The following EPHA5 variants were observed in gnomAD, a reference collection of about 807,000 sequenced individuals.
The protein encoded by EPHA5 is EPH receptor A5, also known as ephrin type-A receptor 5.
Under a neutral mutation model 105.0 loss-of-function variants are expected in EPHA5, and 60 were observed. The ratio of observed to expected loss-of-function variants is 0.57; its 90% confidence interval spans 0.46 to 0.71. The LOEUF (loss-of-function observed/expected upper bound fraction) is 0.71. Among genes scored for constraint, EPHA5 ranks in the 30% least tolerant of loss-of-function variants. EPHA5 has a pLI of 0.00. For missense variants in EPHA5, 1,218 were observed against 1,274.7 expected, an observed-to-expected ratio of 0.96 and a Z score of 0.68; for synonymous variants, 513 against 449.1, an observed-to-expected ratio of 1.14 and a Z score of -1.80.
chr4:65,368,248 A>G (rs1316156108), intron 8 of EPHA5, among the ~76,000 whole-genome samples: 2 of 151,920 alleles, frequency 1.3e-5, no homozygotes, highest in Admixed American at 6.6e-5. Flanking sequence ...ATCTATTTCT[A>G]TCCGTTTAAT....
intron 11 of EPHA5, among the ~76,000 whole-genome samples, chr4:65,359,569 C>T (rs1199522528): frequency 6.6e-6 from 1 of 151,434 alleles, no homozygotes; most frequent in African/African-American, 2.4e-5. Context: ...TTTGGAGGTA[C>T]TCAAGACAAA....
At position 65,602,036 on chromosome 4, in the gene EPHA5, A is replaced by T. The variant is rs769732424; in HGVS notation, c.515T>A (p.Ile172Asn). Residue 172 changes from isoleucine (I) to asparagine (N), a missense_variant, in exon 3 of 17, where the codon ATC becomes AAC. By Grantham distance (149) the Ile-to-Asn change is moderately radical. Around this residue, in one of 3 missense-constraint regions of EPHA5, gnomAD observed 233 missense variants for 227.5 expected, o/e 1.02. Transcript: ENST00000613740. ...NGRNIKENQY[I>N]KIDTIAADES... ...ATCGGCAGCAATGGTATCAATTTTG[A>T]TGTATTGGTTTTCCTTGATGTTTCT... The T allele has an allele frequency of 7.1e-5, 115 of 1,613,960 alleles. No homozygotes were observed. The highest frequency in any genetic ancestry group is 9.3e-5 in the Non-Finnish European group (110 of 1,180,020).
chr4:65,622,123 A>G (rs1418093442), intron 2 of EPHA5, among the ~76,000 whole-genome samples: 1 of 152,130 alleles, frequency 6.6e-6, no homozygotes, highest in Non-Finnish European at 1.5e-5. Context: ...CTCCCGTGTA[A>G]CTATATTCTG....
intron 2 of EPHA5, among the ~76,000 whole-genome samples, chr4:65,633,275 T>A (rs1223195160): frequency 6.6e-6 from 1 of 151,872 alleles, no homozygotes; most frequent in African/African-American, 2.4e-5. Flanking sequence ...GATTATGTAC[T>A]CAGAACCATA....
chr4:65,329,754 A>G (rs1396664628), intron 16 of EPHA5, among the ~76,000 whole-genome samples: 1 of 149,712 alleles, frequency 6.7e-6, no homozygotes, highest in African/African-American at 2.5e-5. Context: ...GAGCTGGCCT[A>G]TTTCTTTTGC....
At chr4:65,409,943 A>C (rs577190986) in intron 7 of EPHA5, among the ~76,000 whole-genome samples, 2 of 152,326 alleles carry the variant, frequency 1.3e-5, no homozygotes, top group South Asian at 2.1e-4. Context: ...AAACCAGATC[A>C]ATCATCCATT....
intron 3 of EPHA5, among the ~76,000 whole-genome samples, chr4:65,531,714 G>A (rs950469105): frequency 4.0e-5 from 6 of 151,134 alleles, no homozygotes; most frequent in African/African-American, 1.5e-4. Context: ...CATGATCCAG[G>A]AATCTGATCA....
chr4:65,644,885 A>T (rs1301527112), intron 1 of EPHA5, among the ~76,000 whole-genome samples: 1 of 151,972 alleles, frequency 6.6e-6, no homozygotes, highest in Non-Finnish European at 1.5e-5. Flanking sequence ...TGCTAAATAT[A>T]CTTTATTCAT....
At chr4:65,544,820 A>C (rs367559134) in intron 3 of EPHA5, among the ~76,000 whole-genome samples, 91 of 152,132 alleles carry the variant, frequency 6.0e-4, no homozygotes, top group African/African-American at 2.0e-3. Flanking sequence ...ACCTGTAACC[A>C]ACCCAAATGC....
intron 2 of EPHA5, among the ~76,000 whole-genome samples, chr4:65,615,112 T>G (rs953290191): frequency 6.6e-6 from 1 of 151,648 alleles, no homozygotes; most frequent in Non-Finnish European, 1.5e-5. Flanking sequence ...TAAAATGAAC[T>G]GGAAAAATAC....
At chr4:65,463,236 G>A (rs1046468676) in intron 5 of EPHA5, among the ~76,000 whole-genome samples, 3 of 152,076 alleles carry the variant, frequency 2.0e-5, no homozygotes, top group Non-Finnish European at 2.9e-5. Flanking sequence ...TTGCAAAGCC[G>A]TTCAGCACAG....
At chr4:65,443,467 A>G (rs1045007044) in intron 5 of EPHA5, among the ~76,000 whole-genome samples, 3 of 151,932 alleles carry the variant, frequency 2.0e-5, no homozygotes, top group African/African-American at 7.3e-5. Flanking sequence ...TAACCCAATG[A>G]CAATCACTGA....
chr4:65,569,887 C>T (rs1313486823), intron 3 of EPHA5, among the ~76,000 whole-genome samples: 4 of 151,676 alleles, frequency 2.6e-5, no homozygotes, highest in Non-Finnish European at 5.9e-5. Flanking sequence ...ATCTAGAGTT[C>T]AATCAAATAT....
intron 11 of EPHA5, among the ~76,000 whole-genome samples, chr4:65,360,353 A>G (rs747172715): frequency 6.6e-6 from 1 of 151,660 alleles, no homozygotes; most frequent in Non-Finnish European, 1.5e-5. Flanking sequence ...TATTTTTTGA[A>G]TAAATGAATG....
intron 8 of EPHA5, among the ~76,000 whole-genome samples, chr4:65,377,324 T>G (rs1465573668): frequency 6.6e-6 from 1 of 152,020 alleles, no homozygotes; most frequent in Non-Finnish European, 1.5e-5. Context: ...TGAGCCAATA[T>G]ATTCGAATTA....
At chr4:65,589,445 C>G (rs1362359199) in intron 3 of EPHA5, among the ~76,000 whole-genome samples, 1 of 152,108 alleles carries the variant, frequency 6.6e-6, no homozygotes, top group East Asian at 1.9e-4. Flanking sequence ...CCACCTCCCT[C>G]TGTAACCACT....
chr4:65,489,661 T>C (rs1052785163), intron 5 of EPHA5, among the ~76,000 whole-genome samples: 6 of 152,228 alleles, frequency 3.9e-5, no homozygotes, highest in African/African-American at 1.4e-4. Flanking sequence ...GTTTTTATCT[T>C]ACCAGGAAAG....
intron 14 of EPHA5, among the ~76,000 whole-genome samples, chr4:65,343,356 A>C (rs968197497): frequency 1.3e-5 from 2 of 152,040 alleles, no homozygotes; most frequent in Admixed American, 1.3e-4. Flanking sequence ...TCCTGATGGA[A>C]GAGGCAATCC....
chr4:65,488,166 C>A (rs185645811), intron 5 of EPHA5, among the ~76,000 whole-genome samples: 1 of 152,032 alleles, frequency 6.6e-6, no homozygotes, highest in Non-Finnish European at 1.5e-5. Flanking sequence ...TTAAGGTATT[C>A]AAGTTTCAAA....
Sources: gnomAD v4.1 joint callset for allele counts (sites outside exome capture counted in the v4.1 genomes callset) on GRCh38, gnomAD v4.1.1 for gene constraint, gnomAD v4.1.1 regional missense constraint, MANE v1.5 for transcripts, NCBI Gene and HGNC (gene_info 2026-07-23, HGNC 2026-07-21) for gene names.